The following CFAP44 variants were observed in gnomAD, a reference collection of about 807,000 sequenced individuals.
CFAP44 encodes the protein cilia- and flagella-associated protein 44.
In CFAP44, 134 loss-of-function variants were observed where a neutral mutation model predicts 216.2. The ratio of observed to expected loss-of-function variants is 0.62; its 90% CI spans 0.54 to 0.72. The LOEUF is 0.72. Among genes scored for constraint, CFAP44 ranks in the 30% least tolerant of loss-of-function variants. CFAP44 has a pLI of 0.00. For missense variants in CFAP44, 2,035 were observed against 2,182.1 expected (o/e 0.93, Z 1.34); for synonymous variants, 700 against 727.6 (o/e 0.96, Z 0.61).
intron 4 of CFAP44, among the ~76,000 whole-genome samples, chr3:113,424,333 G>C (rs1258789930): frequency 6.6e-6 from 1 of 152,180 alleles, no homozygotes; most frequent in Non-Finnish European, 1.5e-5. Context: ...CTACTCGGGA[G>C]GCTGAGGCAG....
At chr3:113,307,162 C>A (rs2107794262) in intron 29 of CFAP44, among the ~76,000 whole-genome samples, 1 of 152,312 alleles carries the variant, frequency 6.6e-6, no homozygotes, top group Non-Finnish European at 1.5e-5. Context: ...AATTGTCAAG[C>A]ATTTCCAGGA....
chr3:113,340,386 A>G (rs1164019851), intron 24 of CFAP44, among the ~76,000 whole-genome samples: 1 of 152,206 alleles, frequency 6.6e-6, no homozygotes, highest in Non-Finnish European at 1.5e-5. Context: ...CCTCCCAGTT[A>G]GGGTGGAGTT....
intron 22 of CFAP44, among the ~76,000 whole-genome samples, chr3:113,356,052 T>C (rs992523192): frequency 6.7e-6 from 1 of 149,572 alleles, no homozygotes; most frequent in Non-Finnish European, 1.5e-5. Flanking sequence ...ATTATTATAA[T>C]ATATTCTACA....
rs773249401 is a variant in CFAP44, at chr3:113,416,547, C to G, written c.651G>C (p.Leu217=). 4.3e-6 allele frequency: 7 copies of G among 1,611,156 alleles called. No homozygotes were observed. Among genetic ancestry groups the G allele is most frequent in the Non-Finnish European group, 5.1e-6 (6 of 1,178,094 alleles). Residue 217 remains leucine (L), a synonymous_variant, in exon 6 of 35, where the codon CTG becomes CTC. Transcript: ENST00000393845. Reference sequence around the variant, plus strand: ...CACCTCGAAGGACTCTGTATGGTCTCAGAGAAGGATATTCATAGATGATAA... The same window carrying G: ...CACCTCGAAGGACTCTGTATGGTCTGAGAGAAGGATATTCATAGATGATAA... The part of the protein sequence containing the change: ...PDIIIYEYPS[L]RPYRVLRDGT...
intron 24 of CFAP44, among the ~76,000 whole-genome samples, chr3:113,336,997 G>T (rs1196112120): frequency 6.6e-6 from 1 of 151,374 alleles, no homozygotes; most frequent in Admixed American, 6.6e-5. Context: ...GAAATAAGAT[G>T]CAAACAGATT....
chr3:113,386,421 GGTCTTTTGTCT>G (rs1458897415), intron 15 of CFAP44, among the ~76,000 whole-genome samples: 1 of 152,048 alleles, frequency 6.6e-6, no homozygotes, highest in Non-Finnish European at 1.5e-5. Flanking sequence ...TTAGTCTGTA[GGTCTTTTGTCT>G]GTCTTTTGTC....
rs146437864 is a variant in CFAP44, at chr3:113,351,394, G to A, written c.3066-6682C>T. On this transcript the variant is annotated intron_variant, in intron 22 of 34. Coordinates refer to ENST00000393845, the MANE Select transcript of CFAP44 (RefSeq NM_001164496.2). ...ACCCCTAATTATAGGGTTAGGAATG[G>A]CTACTGCTACAGGAACTGGAATAGC... Among the ~76,000 whole-genome samples, 318 of 152,264 alleles carry A rather than the reference G, an allele frequency of 2.1e-3. 10 individuals carry two copies. The East Asian group carries it at 0.055, about 26-fold the overall frequency.
intron 24 of CFAP44, among the ~76,000 whole-genome samples, chr3:113,336,271 A>C (rs1317804826): frequency 6.6e-6 from 1 of 152,078 alleles, no homozygotes; most frequent in Non-Finnish European, 1.5e-5. Context: ...AAAATCTATG[A>C]CCAAAAGCTA....
rs115099030 is a variant in CFAP44, at chr3:113,359,322, C to T, written c.2935-447G>A. Among the ~76,000 whole-genome samples the T allele has an allele frequency of 8.9e-3, 1,352 of 152,276 alleles. 17 individuals are homozygous for T. Among genetic ancestry groups the T allele is most frequent in the African/African-American group, 0.03 (1,261 of 41,556 alleles). ...CATCACCAAGTTTTTGTTGAATCTC[C>T]TTCACAAAGGGCTCCACTTTCTCCC... On this transcript the variant is annotated intron_variant, in intron 21 of 34. Transcript: ENST00000393845.
intron 15 of CFAP44, among the ~76,000 whole-genome samples, chr3:113,389,239 C>G (rs899302901): frequency 6.6e-5 from 10 of 152,090 alleles, no homozygotes; most frequent in African/African-American, 2.2e-4. Context: ...ACTACATGAA[C>G]TCACAGGAAT....
chr3:113,354,352 G>A (rs1284312597), intron 22 of CFAP44, among the ~76,000 whole-genome samples: 1 of 152,180 alleles, frequency 6.6e-6, no homozygotes, highest in Non-Finnish European at 1.5e-5. Context: ...CCAAAAAACT[G>A]AATCTGCCTG....
chr3:113,352,585 T>C (rs1487667812), intron 22 of CFAP44, among the ~76,000 whole-genome samples: 1 of 151,974 alleles, frequency 6.6e-6, no homozygotes, highest in Non-Finnish European at 1.5e-5. Flanking sequence ...TTAAGGCAAA[T>C]GGCAGAGCAG....
intron 5 of CFAP44, 96 bp from the exon 6 acceptor site, chr3:113,416,723 T>G: frequency 2.3e-6 from 2 of 876,464 alleles, no homozygotes; most frequent in South Asian, 2.0e-5. Flanking sequence ...TTTCATAATT[T>G]ATTAGGCTTT....
At chr3:113,383,050 C>T (rs976350841) in intron 15 of CFAP44, among the ~76,000 whole-genome samples, 2 of 152,202 alleles carry the variant, frequency 1.3e-5, no homozygotes, top group Non-Finnish European at 2.9e-5. Context: ...CTCCAGCAGC[C>T]TTTGGCTGAT....
Position 113,296,805 on chromosome 3 carries a change from C to G in CFAP44, c.5158G>C (p.Val1720Leu), listed in dbSNP as rs780669248. 3.8e-5 allele frequency: 59 copies of G among 1,537,574 alleles called. No homozygotes were observed. The South Asian group carries it at 5.0e-4, about 13-fold the overall frequency. The change falls in exon 33 of 35, where the codon GTT becomes CTT. Residue 1720 changes from valine (V) to leucine (L), a missense_variant. Physicochemically the swap from Val to Leu is conservative, Grantham distance 32. This residue lies in a region of CFAP44 where 1,883 missense variants were observed against 2,023.7 expected (regional missense o/e 0.93). Coordinates refer to ENST00000393845, the MANE Select transcript of CFAP44 (RefSeq NM_001164496.2). ...VNLEALQTLS[V>L]NTTLEELKIR... is the part of the protein sequence containing the mutation. ...TTCAGTTCTTCAAGTGTTGTATTAA[C>G]AGAAAGCGTTTGAAGGGCTTCTAGA...
intron 17 of CFAP44, among the ~76,000 whole-genome samples, chr3:113,373,876 G>C (rs912998110): frequency 2.0e-5 from 3 of 152,018 alleles, no homozygotes; most frequent in African/African-American, 7.2e-5. Flanking sequence ...GAATAAGCAG[G>C]AACAAATATT....
At chr3:113,316,550 GA>G (rs926868146) in intron 28 of CFAP44, among the ~76,000 whole-genome samples, 3 of 150,370 alleles carry the variant, frequency 2.0e-5, no homozygotes, top group South Asian at 4.2e-4. Flanking sequence ...TAGCCAGACT[GA>G]AAAAAAAAGA....
intron 6 of CFAP44, among the ~76,000 whole-genome samples, chr3:113,410,019 T>C (rs1934410218): frequency 6.6e-6 from 1 of 152,222 alleles, no homozygotes; most frequent in Admixed American, 6.5e-5. Context: ...GGAAACCTCA[T>C]GAATAATCGA....
intron 9 of CFAP44, among the ~76,000 whole-genome samples, chr3:113,403,083 A>G (rs768646059): frequency 7.5e-6 from 1 of 134,086 alleles, no homozygotes; most frequent in Non-Finnish European, 1.6e-5. Context: ...GAGTGACCAG[A>G]CTCTTAAAAA....
Sources: allele counts gnomAD v4.1 joint callset (sites outside exome capture counted in the v4.1 genomes callset), GRCh38; gene constraint gnomAD v4.1.1; regional missense constraint gnomAD v4.1.1; transcripts MANE v1.5; gene names NCBI Gene and HGNC (gene_info 2026-07-23, HGNC 2026-07-21).